SMARCAD1: variants seen among roughly 807,000 people sequenced by gnomAD.
SMARCAD1 encodes the protein SWI/SNF-related matrix-associated actin-dependent regulator of chromatin subfamily A containing DEAD/H box 1.
In SMARCAD1, 25 loss-of-function variants were observed where a neutral mutation model predicts 127.1. That is an observed-to-expected ratio of 0.20 (90% confidence interval 0.14 to 0.27). The LOEUF (loss-of-function observed/expected upper bound fraction) is 0.27. Ranked by LOEUF, SMARCAD1 falls within the 10% of genes least tolerant of loss-of-function variation. The probability of loss-of-function intolerance (pLI) is 1.00; values close to 1 mark genes in which losing one functional copy is unlikely to be tolerated. For synonymous variants in SMARCAD1, 400 were observed against 396.9 expected (o/e 1.01, Z -0.09); for missense variants, 807 against 1,206.0 (o/e 0.67, Z 4.90).
chr4:94,229,801 G>GT (rs33983103), intron 3 of SMARCAD1, among the ~76,000 whole-genome samples: 55 of 146,044 alleles, frequency 3.8e-4, no homozygotes, highest in African/African-American at 5.3e-4. Context: ...AATGTGTGGT[G>GT]TTTTTTTTTT....
chr4:94,221,664 GCTT>G (rs1268535013), intron 2 of SMARCAD1, among the ~76,000 whole-genome samples: 1 of 152,132 alleles, frequency 6.6e-6, no homozygotes, highest in East Asian at 1.9e-4. Flanking sequence ...ATTACTTGTG[GCTT>G]GGATATATAG....
At position 94,276,250 on chromosome 4, in the gene SMARCAD1, TAAA is replaced by T. The variant is rs1367253254; in HGVS notation, c.1809-85_1809-83del. ...GTACTGGCTGTTAGAAATGTGTAAATAAAAAATGATTTTATAAGACATTAAATT... is the reference window on the plus strand; with the variant it reads ...GTACTGGCTGTTAGAAATGTGTAAATAAATGATTTTATAAGACATTAAATT... On this transcript the variant is annotated intron_variant, in intron 14 of 23. Coordinates refer to ENST00000354268, the MANE Select transcript of SMARCAD1 (RefSeq NM_020159.5). 8.3e-6 allele frequency: 12 copies of T among 1,439,816 alleles called. No individual in the cohort carries two copies. In the Admixed American group the frequency reaches 2.2e-4, roughly 26 times the overall value. 89.2% of individuals were successfully genotyped at this position (1,439,816 alleles called of 1,614,324 possible).
chr4:94,248,321 A>G (rs1748769567), intron 6 of SMARCAD1, among the ~76,000 whole-genome samples: 1 of 152,186 alleles, frequency 6.6e-6, no homozygotes, highest in Non-Finnish European at 1.5e-5. Context: ...CAATTTGTCC[A>G]TGACGCACAT....
intron 2 of SMARCAD1, among the ~76,000 whole-genome samples, chr4:94,212,019 T>G (rs1231637059): frequency 1.3e-5 from 2 of 152,200 alleles, no homozygotes; most frequent in African/African-American, 4.8e-5. Context: ...AACATATGAT[T>G]CATGAGAGCA....
rs1350817630 is a variant in SMARCAD1, at chr4:94,252,836, A to G, written c.1110A>G (p.Leu370=). ...CAGGTTCTGATGTCGGTAGTTCACT[A>G]GATGAGGACTATAGTAGTGGTGAAG... The part of the protein sequence containing the change: ...YDSGSDVGSS[L]DEDYSSGEEV... Residue 370 remains leucine, a synonymous_variant, in exon 9 of 24, where the codon CTA becomes CTG. Coordinates refer to ENST00000354268, the MANE Select transcript of SMARCAD1 (RefSeq NM_020159.5). 3.7e-6 allele frequency: 6 copies of G among 1,614,114 alleles called. No homozygotes were observed. In the South Asian group the frequency reaches 4.4e-5, roughly 12 times the overall value.
intron 16 of SMARCAD1, among the ~76,000 whole-genome samples, chr4:94,277,931 A>C (rs980664973): frequency 1.3e-5 from 2 of 152,134 alleles, no homozygotes; most frequent in Non-Finnish European, 2.9e-5. Flanking sequence ...CCTAGAATAA[A>C]ATTCTACTTC....
chr4:94,242,825 A>AGG (rs1747800852), intron 6 of SMARCAD1, among the ~76,000 whole-genome samples: 8 of 151,796 alleles, frequency 5.3e-5, no homozygotes, highest in Admixed American at 4.6e-4. Flanking sequence ...CTAAGGAGGG[A>AGG]GGATTACTTG....
At chr4:94,231,314 A>G (rs995891123) in intron 3 of SMARCAD1, among the ~76,000 whole-genome samples, 3 of 152,172 alleles carry the variant, frequency 2.0e-5, no homozygotes, top group Non-Finnish European at 4.4e-5. Flanking sequence ...AACATAGTAG[A>G]TAGTTAGAGC....
chr4:94,283,135 A>G lies in SMARCAD1; in HGVS notation c.2741A>G (p.Asp914Gly). 1 of 1,613,080 alleles carries G rather than the reference A, an allele frequency of 6.2e-7. No individual in the cohort carries two copies. Among genetic ancestry groups the G allele is most frequent in the Non-Finnish European group, 8.5e-7 (1 of 1,179,578 alleles). The change falls in exon 22 of 24, where the codon GAT becomes GGT. Residue 914 changes from aspartate to glycine, a missense_variant. Asp to Gly is a moderately conservative substitution (Grantham distance 94). Around this residue, in one of 8 missense-constraint regions of SMARCAD1, gnomAD observed 44 missense variants for 119.1 expected, o/e 0.37. Coordinates refer to ENST00000354268, the MANE Select transcript of SMARCAD1 (RefSeq NM_020159.5). The part of the protein sequence containing the change: ...TQISERIHLI[D>G]EFNTDMDIFV... ...TTATCTTACAGGATTCATCTAATTG[A>G]TGAGTTTAATACCGATATGGATATC... is the stretch of plus-strand genomic sequence containing the variant.
intron 2 of SMARCAD1, among the ~76,000 whole-genome samples, chr4:94,217,659 T>C (rs1743410872): frequency 6.6e-6 from 1 of 152,214 alleles, no homozygotes; most frequent in South Asian, 2.1e-4. Flanking sequence ...TGGCCTAATA[T>C]TTAATTTCTG....
intron 14 of SMARCAD1, among the ~76,000 whole-genome samples, chr4:94,275,627 G>A (rs28548547): frequency 0.028 from 4,259 of 151,950 alleles, 180 homozygotes; most frequent in African/African-American, 0.097. Context: ...GATCTAATCT[G>A]CTAGTTTAAT....
rs1349046837 is a variant in SMARCAD1 at position 94,260,040 on chromosome 4, C to CCCCCTTCT, written c.1282-4666_1282-4659dup. Among the ~76,000 whole-genome samples the CCCCCTTCT allele has an allele frequency of 5.9e-5, 9 of 152,194 alleles. No individual in the cohort carries two copies. In the East Asian group the frequency reaches 1.7e-3, roughly 29 times the overall value. Reference sequence around the variant, plus strand: ...GTAGATTCCTCATCCCTCTCTCTCTCCCCCTTCTGTTTTTCCAGTTTTTGG... The same window carrying CCCCCTTCT: ...GTAGATTCCTCATCCCTCTCTCTCTCCCCCTTCTCCCCTTCTGTTTTTCCAGTTTTTGG... On this transcript the variant is annotated intron_variant, in intron 9 of 23. Coordinates refer to ENST00000354268, the MANE Select transcript of SMARCAD1 (RefSeq NM_020159.5).
At chr4:94,250,715 G>T in intron 7 of SMARCAD1, 37 bp from the exon 8 acceptor site, 1 of 1,461,080 alleles carries the variant, frequency 6.8e-7, no homozygotes, top group South Asian at 1.3e-5. Context: ...TTGCTAATTT[G>T]AGATTTTTAA....
At position 94,234,059 on chromosome 4, in the gene SMARCAD1, A is replaced by G. The variant is rs777629964; in HGVS notation, c.474A>G (p.Lys158=). Residue 158 remains lysine (K), a synonymous_variant, in exon 4 of 24, where the codon AAA becomes AAG. Coordinates refer to ENST00000354268, the MANE Select transcript of SMARCAD1 (RefSeq NM_020159.5). The stretch of plus-strand genomic sequence containing the variant: ...ACCTTTCGGAATTGGAAGACCTTAA[A>G]GATGCTAAACTTCAGACTTTGAAGG... ...LEDLSELEDL[K]DAKLQTLKEL... is the part of the protein sequence containing the mutation. 6.2e-7 allele frequency: 1 copy of G among 1,613,732 alleles called. No homozygotes were observed. Among genetic ancestry groups the G allele is most frequent in the South Asian group, 1.1e-5 (1 of 91,074 alleles).
intron 16 of SMARCAD1, among the ~76,000 whole-genome samples, chr4:94,277,650 T>TA (rs1397479841): frequency 2.6e-5 from 4 of 152,228 alleles, no homozygotes; most frequent in African/African-American, 9.6e-5. Context: ...AAAGTTTTGT[T>TA]ACTTCTTTAT....
intron 14 of SMARCAD1, among the ~76,000 whole-genome samples, chr4:94,275,797 T>TTTTATTTTATTTTA (rs771113021): frequency 3.7e-4 from 38 of 103,342 alleles, no homozygotes; most frequent in East Asian, 2.6e-3. Flanking sequence ...TAACATTTTC[T>TTTTATTTTATTTTA]TTTTTTTTTT....
rs546612266 is a variant in SMARCAD1 at position 94,253,155 on chromosome 4, A to G, written c.1281+148A>G. Reference sequence around the variant, plus strand: ...CAAACATTACTTTCATTGTAAGCCAATAGTATTTCAAATAGTGTCATATGA... The same window carrying G: ...CAAACATTACTTTCATTGTAAGCCAGTAGTATTTCAAATAGTGTCATATGA... On this transcript the variant is annotated intron_variant, in intron 9 of 23. Transcript: ENST00000354268. 135 of 1,526,424 alleles carry G rather than the reference A, an allele frequency of 8.8e-5. 3 individuals carry two copies. In the South Asian group the frequency reaches 1.2e-3, roughly 13 times the overall value. 94.6% of individuals were successfully genotyped at this position (1,526,424 alleles called of 1,614,324 possible). A position where few individuals can be genotyped will look rare whatever the true frequency, so the allele number is the denominator to read the frequency against.
At chr4:94,262,627 T>C (rs575945048) in intron 9 of SMARCAD1, among the ~76,000 whole-genome samples, 2 of 152,314 alleles carry the variant, frequency 1.3e-5, no homozygotes, top group African/African-American at 2.4e-5. Flanking sequence ...TGTCTGTTGC[T>C]TCTCTAGGTT....
intron 4 of SMARCAD1, among the ~76,000 whole-genome samples, chr4:94,235,512 A>T (rs1053907308): frequency 1.5e-5 from 2 of 137,444 alleles, no homozygotes; most frequent in African/African-American, 4.9e-5. Context: ...TATTTTTGAC[A>T]TGAATCCACT....
Sources: allele counts gnomAD v4.1 joint callset (sites outside exome capture counted in the v4.1 genomes callset), GRCh38; gene constraint gnomAD v4.1.1; regional missense constraint gnomAD v4.1.1; transcripts MANE v1.5; gene names NCBI Gene and HGNC (gene_info 2026-07-23, HGNC 2026-07-21).